Variants in SLC24A2 observed in about 807,000 individuals in gnomAD.
SLC24A2 encodes solute carrier family 24 member 2, also known as sodium/potassium/calcium exchanger 2.
A neutral mutation model predicts 62.0 loss-of-function variants in SLC24A2; 36 were observed. The ratio of observed to expected loss-of-function variants is 0.58; its 90% CI spans 0.44 to 0.77. The LOEUF is 0.77. SLC24A2 is among the 30% of genes least tolerant of loss of function. The pLI, the probability that SLC24A2 is intolerant of heterozygous loss-of-function variation, is 0.00. For missense variants in SLC24A2, 846 were observed against 817.9 expected (o/e 1.03, Z -0.42); for synonymous variants, 358 against 294.0 (o/e 1.22, Z -2.23).
At chr9:19,836,976 A>C in the SLC24A2 span, among the ~76,000 whole-genome samples, 1 of 152,082 alleles carries the variant, frequency 6.6e-6, no homozygotes, top group Admixed American at 6.6e-5. Flanking sequence ...AAAGACAAAA[A>C]CCACACGATT....
At chr9:20,223,563 C>T in the SLC24A2 span, among the ~76,000 whole-genome samples, 10 of 151,658 alleles carry the variant, frequency 6.6e-5, no homozygotes, top group African/African-American at 2.4e-4. Context: ...TAGTTTGGTG[C>T]TATCAAATAT....
Position 19,786,724 on chromosome 9 carries a change from G to C in SLC24A2, c.143C>G (p.Ala48Gly). The C allele has an allele frequency of 1.2e-6, 2 of 1,607,730 alleles. No homozygotes were observed. Among genetic ancestry groups the C allele is most frequent in the Non-Finnish European group, 1.7e-6 (2 of 1,176,316 alleles). ...RVLGLFMGLV[A>G]ISTVSFSISA... ...GATTGAAAATGAGACAGTGCTAATGGCTACCAGACCCATGAAAAGGCCTAA... is the reference window on the plus strand; with the variant it reads ...GATTGAAAATGAGACAGTGCTAATGCCTACCAGACCCATGAAAAGGCCTAA... The change falls in exon 2 of 11, where the codon GCC becomes GGC. Residue 48 changes from alanine (A) to glycine (G), a missense_variant. Coordinates refer to ENST00000341998, the MANE Select transcript of SLC24A2 (RefSeq NM_020344.4). The surrounding 1 kb of genome is among the most constrained non-coding windows in gnomAD (Gnocchi z 5.0).
At chr9:20,154,664 A>T in the SLC24A2 span, among the ~76,000 whole-genome samples, 3 of 139,690 alleles carry the variant, frequency 2.1e-5, no homozygotes, top group East Asian at 6.4e-4. Context: ...AAAAAAAAAA[A>T]TTGGATACCC....
chr9:19,944,281 C>T, the SLC24A2 span, among the ~76,000 whole-genome samples: 7 of 152,082 alleles, frequency 4.6e-5, no homozygotes, highest in South Asian at 4.2e-4. Flanking sequence ...GTCTCAAAAA[C>T]GGCAAAATCA....
chr9:19,765,940 T>C (rs1822501866), intron 2 of SLC24A2, among the ~76,000 whole-genome samples: 1 of 152,344 alleles, frequency 6.6e-6, no homozygotes, highest in South Asian at 2.1e-4. Context: ...ACCAATCAAA[T>C]GTAGGTTTGT....
Position 19,619,678 on chromosome 9 carries a change from G to T in SLC24A2, c.984C>A (p.Leu328=). The change falls in exon 4 of 11, where the codon CTC becomes CTA. Residue 328 remains leucine, a synonymous_variant. Coordinates refer to ENST00000341998, the MANE Select transcript of SLC24A2 (RefSeq NM_020344.4). Reference sequence around the variant, plus strand: ...GGGAGGCAGAGCTTCCACCTCGCTGGAGACGCGGCTTAGCCTGAGCAGAGA... The same window carrying T: ...GGGAGGCAGAGCTTCCACCTCGCTGTAGACGCGGCTTAGCCTGAGCAGAGA... The part of the protein sequence containing the change: ...DEPTLPAKPR[L]QRGGSSASLH... The T allele has an allele frequency of 1.9e-6, 3 of 1,613,810 alleles. No individual in the cohort carries two copies. The highest frequency in any genetic ancestry group is 2.5e-6 in the Non-Finnish European group (3 of 1,179,776).
chr9:19,852,713 G>T, the SLC24A2 span, among the ~76,000 whole-genome samples: 1 of 152,082 alleles, frequency 6.6e-6, no homozygotes, highest in African/African-American at 2.4e-5. Flanking sequence ...TGCTGTTTTG[G>T]TTACTGTAGC....
At chr9:20,035,956 T>G in the SLC24A2 span, among the ~76,000 whole-genome samples, 1 of 151,742 alleles carries the variant, frequency 6.6e-6, no homozygotes, top group African/African-American at 2.4e-5. Flanking sequence ...CGGATAGGAG[T>G]CCTAAGGAAG....
chr9:19,681,877 T>G (rs1344694230), intron 2 of SLC24A2, among the ~76,000 whole-genome samples: 1 of 152,164 alleles, frequency 6.6e-6, no homozygotes, highest in Non-Finnish European at 1.5e-5. Flanking sequence ...TCAATTAACC[T>G]TTATCTAAGA....
At chr9:19,557,471 A>T (rs1835153629) in intron 7 of SLC24A2, among the ~76,000 whole-genome samples, 1 of 152,232 alleles carries the variant, frequency 6.6e-6, no homozygotes, top group Non-Finnish European at 1.5e-5. Flanking sequence ...AAGGGAGTTT[A>T]TCTGAATAGC....
chr9:19,685,541 T>C (rs1242207727), intron 2 of SLC24A2, among the ~76,000 whole-genome samples: 5 of 152,052 alleles, frequency 3.3e-5, no homozygotes, highest in South Asian at 2.1e-4. Flanking sequence ...CAACACAGAA[T>C]GGTACTGATA....
intron 2 of SLC24A2, among the ~76,000 whole-genome samples, chr9:19,755,058 C>T (rs1465820508): frequency 1.3e-5 from 2 of 152,116 alleles, no homozygotes; most frequent in Non-Finnish European, 2.9e-5. Context: ...AGATGAAAGG[C>T]AGGCAAGAGA....
intron 2 of SLC24A2, among the ~76,000 whole-genome samples, chr9:19,729,256 A>G (rs949320525): frequency 2.7e-4 from 41 of 152,216 alleles, no homozygotes; most frequent in African/African-American, 9.6e-4. Context: ...AGTGACTCTT[A>G]TACACTGTTA....
intron 2 of SLC24A2, among the ~76,000 whole-genome samples, chr9:19,728,290 G>C (rs960753013): frequency 6.8e-6 from 1 of 147,416 alleles, no homozygotes; most frequent in African/African-American, 2.5e-5. Flanking sequence ...CATTTTTAAT[G>C]AATTAGTGAC....
In SLC24A2 at chr9:19,729,718, G is replaced by C. The variant is rs77817893; in HGVS notation, c.930+56219C>G. Reference sequence around the variant, plus strand: ...AAGAGGATACAAGAGGCTGGATAGGGAAGGAGGAAGGGAGGGCTAGAGAGA... The same window carrying C: ...AAGAGGATACAAGAGGCTGGATAGGCAAGGAGGAAGGGAGGGCTAGAGAGA... On this transcript the variant is annotated intron_variant, in intron 2 of 10. Transcript: ENST00000341998. 3.7e-3 allele frequency among the ~76,000 whole-genome samples: 562 copies of C among 152,206 alleles called. 3 individuals are homozygous for C. The highest frequency in any genetic ancestry group is 0.013 in the African/African-American group (540 of 41,562).
intron 2 of SLC24A2, among the ~76,000 whole-genome samples, chr9:19,688,413 A>G (rs1211579954): frequency 6.6e-6 from 1 of 152,156 alleles, no homozygotes; most frequent in African/African-American, 2.4e-5. Context: ...ATCATTTGGT[A>G]GACTTACTAC....
intron 8 of SLC24A2, among the ~76,000 whole-genome samples, chr9:19,529,547 G>T (rs1833599254): frequency 6.6e-6 from 1 of 152,116 alleles, no homozygotes; most frequent in Non-Finnish European, 1.5e-5. Flanking sequence ...GACCAAGCAG[G>T]TTTGATTAAA....
chr9:19,871,358 T>C, the SLC24A2 span, among the ~76,000 whole-genome samples: 1 of 152,194 alleles, frequency 6.6e-6, no homozygotes. Flanking sequence ...TGATGGTACT[T>C]TGGGTTTGTT....
chr9:20,301,028 T>A, the SLC24A2 span, among the ~76,000 whole-genome samples: 31 of 152,192 alleles, frequency 2.0e-4, no homozygotes, highest in Non-Finnish European at 1.5e-5. Context: ...AAGAAAGGTC[T>A]GGTGATTAGA....
Sources: allele counts gnomAD v4.1 joint callset (sites outside exome capture counted in the v4.1 genomes callset), GRCh38; gene constraint gnomAD v4.1.1; non-coding constraint Gnocchi (gnomAD v3.1); transcripts MANE v1.5; gene names NCBI Gene and HGNC (gene_info 2026-07-23, HGNC 2026-07-21).